KLHL20: variants seen among roughly 807,000 people sequenced by gnomAD.
The protein encoded by KLHL20 is kelch like family member 20, also known as kelch-like protein 20.
A neutral mutation model predicts 69.5 loss-of-function variants in KLHL20; 29 were observed. The ratio of observed to expected loss-of-function variants is 0.42; its 90% CI spans 0.31 to 0.57. The LOEUF (loss-of-function observed/expected upper bound fraction) is 0.57, where lower values mean the gene tolerates loss of function less well. Ranked by LOEUF, KLHL20 falls within the 20% of genes least tolerant of loss-of-function variation. KLHL20 has a pLI of 0.18. For missense variants in KLHL20, 419 were observed against 776.0 expected, an observed-to-expected ratio of 0.54 and a Z score of 5.47; for synonymous variants, 253 against 265.2, an observed-to-expected ratio of 0.95 and a Z score of 0.45.
chr1:173,754,584 CAAA>C (rs576521460), intron 5 of KLHL20, among the ~76,000 whole-genome samples: 1 of 60,580 alleles, frequency 1.7e-5, no homozygotes. Context: ...AACTCAGTCT[CAAA>C]AAAAAAAAAA....
chr1:173,751,968 T>G (rs1464366110), intron 4 of KLHL20, 46 bp downstream of exon 4: 1 of 1,577,516 alleles, frequency 6.3e-7, no homozygotes, highest in Non-Finnish European at 8.6e-7. Context: ...CCGGGCATGG[T>G]GGCTCATGAC....
intron 10 of KLHL20, among the ~76,000 whole-genome samples, chr1:173,779,800 A>C (rs1217822768): frequency 6.6e-6 from 1 of 152,208 alleles, no homozygotes; most frequent in Admixed American, 6.5e-5. Flanking sequence ...ACAAATGTTT[A>C]GGCAAAAATA....
At chr1:173,766,397 C>A (rs1647711218) in intron 8 of KLHL20, 108 bp downstream of exon 8, 3 of 989,490 alleles carry the variant, frequency 3.0e-6, no homozygotes, top group South Asian at 2.8e-5. Context: ...GTAATCCTAG[C>A]ACTTTGGAAG....
chr1:173,744,712 T>G (rs1039037219), intron 3 of KLHL20, among the ~76,000 whole-genome samples: 2 of 152,196 alleles, frequency 1.3e-5, no homozygotes, highest in African/African-American at 4.8e-5. Flanking sequence ...AAGCCTTTCT[T>G]TGCCCCACTG....
rs1018987653 is a variant in KLHL20 at position 173,769,163 on chromosome 1, G to C, written c.1295+2874G>C. 3.3e-5 allele frequency among the ~76,000 whole-genome samples: 5 copies of C among 152,184 alleles called. No individual in the cohort carries two copies. The East Asian group carries it at 9.6e-4, about 29-fold the overall frequency. ...TGGGGGACTGTCCTGTGCATTGTAG[G>C]ATGTTTAACAGCATCCATAGCCTCT... On this transcript the variant is annotated intron_variant, in intron 8 of 11. Transcript: ENST00000209884.
chr1:173,715,764 A>T, intron 1 of KLHL20: 1 of 421,736 alleles, frequency 2.4e-6, no homozygotes, highest in Non-Finnish European at 4.2e-6. Flanking sequence ...CTGACCTAAC[A>T]GTCGGGACTA....
chr1:173,751,720 T>C (rs1230233491), intron 3 of KLHL20, 44 bp from the exon 4 acceptor site: 3 of 1,588,932 alleles, frequency 1.9e-6, no homozygotes, highest in Non-Finnish European at 2.6e-6. Context: ...AGACAATAAA[T>C]GTGATCACAG....
At chr1:173,750,871 T>C (rs1444168840) in intron 3 of KLHL20, among the ~76,000 whole-genome samples, 2 of 152,172 alleles carry the variant, frequency 1.3e-5, no homozygotes, top group Non-Finnish European at 1.5e-5. Context: ...AAGGAAAACA[T>C]TCTTAATAAA....
At chr1:173,764,551 AG>A in intron 7 of KLHL20, among the ~76,000 whole-genome samples, 1 of 152,236 alleles carries the variant, frequency 6.6e-6, no homozygotes, top group Non-Finnish European at 1.5e-5. Context: ...GCCATAAAAA[AG>A]GAATGAATTA....
intron 5 of KLHL20, among the ~76,000 whole-genome samples, chr1:173,755,278 C>T (rs552172703): frequency 2.0e-5 from 3 of 152,168 alleles, no homozygotes; most frequent in East Asian, 1.9e-4. Flanking sequence ...AGGATGGTCT[C>T]AATCTCTTGA....
chr1:173,773,139 A>AT (rs1387144443), intron 8 of KLHL20, among the ~76,000 whole-genome samples: 3 of 151,782 alleles, frequency 2.0e-5, no homozygotes, highest in South Asian at 2.1e-4. Flanking sequence ...TTTTTTTCCA[A>AT]TTTTTTTATA....
chr1:173,759,695 C>T (rs1437002306), intron 7 of KLHL20, among the ~76,000 whole-genome samples: 1 of 152,144 alleles, frequency 6.6e-6, no homozygotes, highest in Non-Finnish European at 1.5e-5. Flanking sequence ...ATCAAGGGAA[C>T]ACTTCGTGGA....
intron 3 of KLHL20, among the ~76,000 whole-genome samples, chr1:173,748,145 A>G (rs976607028): frequency 2.0e-5 from 3 of 152,116 alleles, no homozygotes; most frequent in South Asian, 2.1e-4. Flanking sequence ...CCCTATATCT[A>G]TGAAATAAAT....
intron 3 of KLHL20, among the ~76,000 whole-genome samples, chr1:173,736,521 A>G (rs183535301): frequency 4.1e-4 from 62 of 151,982 alleles, no homozygotes; most frequent in African/African-American, 1.4e-3. Context: ...TGTTTTCCAT[A>G]GTGGTTGCAC....
At chr1:173,764,524 C>G (rs1443151135) in intron 7 of KLHL20, among the ~76,000 whole-genome samples, 1 of 152,036 alleles carries the variant, frequency 6.6e-6, no homozygotes, top group South Asian at 2.1e-4. Flanking sequence ...TGTATATAGA[C>G]GATGGAATAC....
At chr1:173,715,173 TG>T (rs1425880986) in intron 1 of KLHL20, 95 bp downstream of exon 1, 3 of 152,318 alleles carry the variant, frequency 2.0e-5, no homozygotes, top group Non-Finnish European at 4.4e-5. Flanking sequence ...AGCTGCCCCA[TG>T]GGGTCAGGTC....
At chr1:173,739,080 G>GT (rs879421334) in intron 3 of KLHL20, among the ~76,000 whole-genome samples, 16 of 150,302 alleles carry the variant, frequency 1.1e-4, no homozygotes, top group Non-Finnish European at 2.2e-4. Flanking sequence ...ACCAAGTCTT[G>GT]TTTTTTTTTG....
At chr1:173,724,709 G>A (rs975490385) in intron 2 of KLHL20, among the ~76,000 whole-genome samples, 2 of 152,172 alleles carry the variant, frequency 1.3e-5, no homozygotes, top group Non-Finnish European at 2.9e-5. Context: ...GGGGGCTGAG[G>A]TGGGAGGATC....
At chr1:173,780,624 A>G (rs942602336) in intron 10 of KLHL20, among the ~76,000 whole-genome samples, 5 of 152,156 alleles carry the variant, frequency 3.3e-5, no homozygotes, top group African/African-American at 9.7e-5. Context: ...AAAAAATTTA[A>G]AAATTATCCA....
Sources: allele counts gnomAD v4.1 joint callset (sites outside exome capture counted in the v4.1 genomes callset), GRCh38; gene constraint gnomAD v4.1.1; transcripts MANE v1.5; gene names NCBI Gene and HGNC (gene_info 2026-07-23, HGNC 2026-07-21).